Variants in GATC observed in about 807,000 individuals in gnomAD.
The protein encoded by GATC is glutamyl-tRNA(Gln) amidotransferase subunit C, mitochondrial.
Under a neutral mutation model 14.4 loss-of-function variants are expected in GATC, and 11 were observed. The ratio of observed to expected loss-of-function variants is 0.77; its 90% CI spans 0.48 to 1.27. The LOEUF (loss-of-function observed/expected upper bound fraction) is 1.27. Among genes scored for constraint, GATC ranks in the 50% most tolerant of loss-of-function variants. The probability of loss-of-function intolerance (pLI) is 0.00; values close to 1 mark genes in which losing one functional copy is unlikely to be tolerated. For missense variants in GATC, 204 were observed against 183.0 expected, an observed-to-expected ratio of 1.11 and a Z score of -0.66; for synonymous variants, 76 against 79.3, an observed-to-expected ratio of 0.96 and a Z score of 0.22.
chr12:120,448,408 A>C (rs1469358226), intron 2 of GATC, among the ~76,000 whole-genome samples: 1 of 149,402 alleles, frequency 6.7e-6, no homozygotes, highest in Non-Finnish European at 1.5e-5. Context: ...GGCTCACTGC[A>C]ACCTCCACCC....
intron 3 of GATC, among the ~76,000 whole-genome samples, chr12:120,458,828 G>A (rs1878251139): frequency 6.6e-6 from 1 of 152,174 alleles, no homozygotes; most frequent in Non-Finnish European, 1.5e-5. Flanking sequence ...GTTGATGCAA[G>A]GATGGGAAAG....
At chr12:120,453,974 T>C (rs1229083385) in intron 2 of GATC, among the ~76,000 whole-genome samples, 1 of 152,114 alleles carries the variant, frequency 6.6e-6, no homozygotes, top group African/African-American at 2.4e-5. Context: ...TGTAAAGGGG[T>C]GAATTTTGTT....
chr12:120,457,258 A>G (rs1228378602), intron 3 of GATC, 79 bp downstream of exon 3: 1 of 1,085,680 alleles, frequency 9.2e-7, no homozygotes, highest in African/African-American at 1.5e-5. Context: ...AGGACCAAAG[A>G]TGCTATGTGA....
intron 2 of GATC, among the ~76,000 whole-genome samples, chr12:120,451,143 C>CAAAAAAAA (rs143607117): frequency 2.7e-4 from 15 of 56,434 alleles, no homozygotes; most frequent in Non-Finnish European, 3.8e-4. Flanking sequence ...GACTCCATCT[C>CAAAAAAAA]AAAAAAAAAA....
intron 3 of GATC, 90 bp downstream of exon 3, chr12:120,457,269 A>C: frequency 1.0e-6 from 1 of 967,618 alleles, no homozygotes; most frequent in Non-Finnish European, 1.6e-6. Context: ...TGCTATGTGA[A>C]GGCACTTTGA....
In GATC at chr12:120,457,171, C is replaced by A; in HGVS notation, c.350C>A (p.Ala117Asp). The A allele has an allele frequency of 6.2e-7, 1 of 1,603,582 alleles. No individual in the cohort carries two copies. Among genetic ancestry groups the A allele is most frequent in the Non-Finnish European group, 8.5e-7 (1 of 1,171,488 alleles). The change falls in exon 3 of 4, where the codon GCC (alanine) becomes GAC (aspartate). Residue 117 changes from alanine to aspartate, a missense_variant. Transcript: ENST00000551765. ...SHRVVEEYFVAPPGNISLPKL... is the reference protein window; with the variant it reads ...SHRVVEEYFVDPPGNISLPKL... ...CGCGTCGTGGAGGAGTACTTTGTGG[C>A]CCCCCCAGGTACGTGCTGCCCAGAA...
rs967513744 is a variant in GATC at position 120,460,222 on chromosome 12, T to C, written c.*263T>C. 4.0e-5 allele frequency: 13 copies of C among 323,268 alleles called. No homozygotes were observed. The highest frequency in any genetic ancestry group is 2.6e-4 in the African/African-American group (12 of 45,644). The allele number at this position is 323,268 out of a possible 1,614,324, so 20.0% of individuals were successfully genotyped here. A position where few individuals can be genotyped will look rare whatever the true frequency, so the allele number is the denominator to read the frequency against. On this transcript the variant is annotated 3_prime_UTR_variant, in exon 4 of 4. Coordinates refer to ENST00000551765, the MANE Select transcript of GATC (RefSeq NM_176818.3). ...ATTCACTTAACAGGCCTGTTCAGTA[T>C]GGAAGACATTATTTATCTGCCTTTA...
chr12:120,453,341 A>G (rs1475756839), intron 2 of GATC, among the ~76,000 whole-genome samples: 4 of 152,142 alleles, frequency 2.6e-5, no homozygotes, highest in African/African-American at 9.7e-5. Context: ...GTCTTTCTCA[A>G]CCAGGGTTCC....
chr12:120,459,110 C>T (rs891245199), intron 3 of GATC, among the ~76,000 whole-genome samples: 5 of 152,136 alleles, frequency 3.3e-5, no homozygotes, highest in African/African-American at 4.8e-5. Flanking sequence ...TCGTCCGCTT[C>T]GGCCTCCCAG....
chr12:120,455,928 C>T (rs577225233), intron 2 of GATC, among the ~76,000 whole-genome samples: 124 of 152,198 alleles, frequency 8.1e-4, no homozygotes, highest in Non-Finnish European at 5.3e-4. Flanking sequence ...CCTCGTGATC[C>T]GCCCACCTCG....
At position 120,462,419 on chromosome 12, in the gene GATC, G is replaced by T; in HGVS notation, c.*2460G>T. 2.9e-6 allele frequency: 1 copy of T among 348,308 alleles called. No homozygotes were observed. The highest frequency in any genetic ancestry group is 5.2e-6 in the Non-Finnish European group (1 of 190,944). 21.6% of individuals were successfully genotyped at this position (348,308 alleles called of 1,614,324 possible). A position where few individuals can be genotyped will look rare whatever the true frequency, so the allele number is the denominator to read the frequency against. On this transcript the variant is annotated 3_prime_UTR_variant, in exon 4 of 4. Coordinates refer to ENST00000551765, the MANE Select transcript of GATC (RefSeq NM_176818.3). ...AACACAATAAATGCCAATTTGACATGTTGATACTCAATTAACTATGATAAA... is the reference window on the plus strand; with the variant it reads ...AACACAATAAATGCCAATTTGACATTTTGATACTCAATTAACTATGATAAA...
At chr12:120,446,914 G>A (rs1476478931) in intron 2 of GATC, 85 bp downstream of exon 2, 27 of 1,360,682 alleles carry the variant, frequency 2.0e-5, no homozygotes, top group Non-Finnish European at 2.5e-5. Flanking sequence ...AGTTTTCCAG[G>A]GGGTTAAAGA....
chr12:120,454,310 T>C (rs1435836259), intron 2 of GATC, among the ~76,000 whole-genome samples: 1 of 152,160 alleles, frequency 6.6e-6, no homozygotes, highest in Non-Finnish European at 1.5e-5. Context: ...AACATTTCAT[T>C]TAATCTTCCC....
Position 120,461,867 on chromosome 12 carries a change from C to G in GATC, c.*1908C>G. Reference sequence around the variant, plus strand: ...AAAATGTTTCACTGCTAATATGGCCCTGGTAGAAATTATGTAGTTTTTTTT... The same window carrying G: ...AAAATGTTTCACTGCTAATATGGCCGTGGTAGAAATTATGTAGTTTTTTTT... On this transcript the variant is annotated 3_prime_UTR_variant, in exon 4 of 4. Coordinates refer to ENST00000551765, the MANE Select transcript of GATC (RefSeq NM_176818.3). 1.3e-6 allele frequency: 1 copy of G among 790,676 alleles called. No individual in the cohort carries two copies. Among genetic ancestry groups the G allele is most frequent in the Non-Finnish European group, 1.8e-6 (1 of 553,668 alleles). The allele number at this position is 790,676 out of a possible 1,614,324, so 49.0% of individuals were successfully genotyped here.
Position 120,459,982 on chromosome 12 carries a change from T to C in GATC, c.*23T>C. On this transcript the variant is annotated 3_prime_UTR_variant, in exon 4 of 4. Coordinates refer to ENST00000551765, the MANE Select transcript of GATC (RefSeq NM_176818.3). ...TGAGTAGCTCATTCTGGAAAGGGGGTACTCTGTGAACATGTGGAAGCATAA... is the reference window on the plus strand; with the variant it reads ...TGAGTAGCTCATTCTGGAAAGGGGGCACTCTGTGAACATGTGGAAGCATAA... 6.3e-7 allele frequency: 1 copy of C among 1,589,608 alleles called. No individual in the cohort carries two copies. The highest frequency in any genetic ancestry group is 8.6e-7 in the Non-Finnish European group (1 of 1,158,746).
intron 2 of GATC, among the ~76,000 whole-genome samples, chr12:120,456,099 A>C (rs918551099): frequency 6.6e-6 from 1 of 152,172 alleles, no homozygotes; most frequent in Non-Finnish European, 1.5e-5. Context: ...GCCCACTCAA[A>C]GCAGGAGGAG....
chr12:120,460,207 C>G lies in GATC; in HGVS notation c.*248C>G, dbSNP rs1878296744. The G allele has an allele frequency of 7.1e-6, 3 of 422,434 alleles. No individual in the cohort carries two copies. The allele number at this position is 422,434 out of a possible 1,614,324, so 26.2% of individuals were successfully genotyped here. A position where few individuals can be genotyped will look rare whatever the true frequency, so the allele number is the denominator to read the frequency against. ...GTCAGCTTCCAAGGAATTCACTTAA[C>G]AGGCCTGTTCAGTATGGAAGACATT... On this transcript the variant is annotated 3_prime_UTR_variant, in exon 4 of 4. Transcript: ENST00000551765.
At chr12:120,447,400 C>A (rs1234392966) in intron 2 of GATC, among the ~76,000 whole-genome samples, 6 of 152,056 alleles carry the variant, frequency 3.9e-5, no homozygotes, top group Non-Finnish European at 8.8e-5. Flanking sequence ...AGGCCCTACT[C>A]CATAGAGTCC....
At chr12:120,450,303 A>C (rs1480824718) in intron 2 of GATC, 2 of 152,232 alleles carry the variant, frequency 1.3e-5, no homozygotes, top group African/African-American at 4.8e-5. Context: ...CCCATTAATC[A>C]TTTTAATGTG....
Sources: gnomAD v4.1 joint callset for allele counts (sites outside exome capture counted in the v4.1 genomes callset) on GRCh38, gnomAD v4.1.1 for gene constraint, MANE v1.5 for transcripts, NCBI Gene and HGNC (gene_info 2026-07-23, HGNC 2026-07-21) for gene names.